STK32B: variants seen among roughly 807,000 people sequenced by gnomAD.
The protein encoded by STK32B is serine/threonine-protein kinase 32B.
Under a neutral mutation model 52.6 loss-of-function variants are expected in STK32B, and 43 were observed. That is an observed-to-expected ratio of 0.82 (90% confidence interval 0.64 to 1.05). The LOEUF (loss-of-function observed/expected upper bound fraction) is 1.05. Ranked by LOEUF, STK32B falls within the 50% of genes least tolerant of loss-of-function variation. STK32B has a pLI of 0.00. For missense variants in STK32B, 621 were observed against 534.6 expected, an observed-to-expected ratio of 1.16 and a Z score of -1.59; for synonymous variants, 238 against 204.3, an observed-to-expected ratio of 1.17 and a Z score of -1.41.
At chr4:5,324,795 T>C (rs1560321071) in intron 3 of STK32B, among the ~76,000 whole-genome samples, 1 of 152,278 alleles carries the variant, frequency 6.6e-6, no homozygotes, top group East Asian at 1.9e-4. Context: ...ATATTGTGGG[T>C]GAACGTGTGG....
chr4:5,396,223 G>A lies in STK32B; in HGVS notation c.435-1984G>A, dbSNP rs888665522. ...CCTCTGGAGGTTCAGGAGAGAATCCGCCCCTGGCCTGTTCCAGCTCCAGGT... is the reference window on the plus strand; with the variant it reads ...CCTCTGGAGGTTCAGGAGAGAATCCACCCCTGGCCTGTTCCAGCTCCAGGT... On this transcript the variant is annotated intron_variant, in intron 4 of 11. Transcript: ENST00000282908. The surrounding 1 kb of genome is among the most constrained non-coding windows in gnomAD (Gnocchi z 4.7). 1.3e-5 allele frequency among the ~76,000 whole-genome samples: 2 copies of A among 152,152 alleles called. No individual in the cohort carries two copies. The highest frequency in any genetic ancestry group is 2.9e-5 in the Non-Finnish European group (2 of 68,028).
At chr4:5,490,086 G>T (rs1162877701) in intron 11 of STK32B, among the ~76,000 whole-genome samples, 1 of 150,446 alleles carries the variant, frequency 6.6e-6, no homozygotes, top group East Asian at 1.9e-4. Flanking sequence ...TAAATTTTAA[G>T]ATCTTTTTGT....
In STK32B at chr4:5,386,237, T is replaced by C. The variant is rs77471031; in HGVS notation, c.435-11970T>C. 0.03 allele frequency among the ~76,000 whole-genome samples: 4,525 copies of C among 152,176 alleles called. 229 individuals carry two copies. The highest frequency in any genetic ancestry group is 0.1 in the African/African-American group (4,212 of 41,488). On this transcript the variant is annotated intron_variant, in intron 4 of 11. Coordinates refer to ENST00000282908, the MANE Select transcript of STK32B (RefSeq NM_018401.3). This position sits in a 1 kb window ranked among gnomAD's most constrained non-coding sequence, Gnocchi z 4.5. The stretch of plus-strand genomic sequence containing the variant: ...CCTCAGCGTATCATATTATGCAGTT[T>C]TATCTTTGACTGTCTCTTGTTTTCT...
At chr4:5,369,884 G>GTT (rs201188066) in intron 4 of STK32B, among the ~76,000 whole-genome samples, 131 of 150,326 alleles carry the variant, frequency 8.7e-4, no homozygotes, top group African/African-American at 2.0e-3. Context: ...TTGTTTGTTT[G>GTT]TTTTTTTTTG....
intron 1 of STK32B, chr4:5,127,002 T>A (rs1715404263): frequency 2.2e-6 from 1 of 449,928 alleles, no homozygotes. Context: ...TTTGCACAGA[T>A]GACAGCATTA....
At chr4:5,053,791 C>T (rs527788963) in intron 1 of STK32B, among the ~76,000 whole-genome samples, 1 of 149,692 alleles carries the variant, frequency 6.7e-6, no homozygotes, top group East Asian at 2.0e-4. Flanking sequence ...CCTGCCTGGC[C>T]AACATGATGA....
At chr4:5,335,777 A>G (rs1435711786) in intron 4 of STK32B, among the ~76,000 whole-genome samples, 1 of 151,874 alleles carries the variant, frequency 6.6e-6, no homozygotes, top group Non-Finnish European at 1.5e-5. Context: ...TTTTCCATGT[A>G]GTTGAGCAGT....
intron 4 of STK32B, among the ~76,000 whole-genome samples, chr4:5,373,198 G>C (rs1484902190): frequency 6.6e-6 from 1 of 152,124 alleles, no homozygotes; most frequent in Non-Finnish European, 1.5e-5. Context: ...AGCTATATTA[G>C]GATTCTCCAG....
chr4:5,192,480 AAGTC>A (rs1379756539), intron 3 of STK32B, among the ~76,000 whole-genome samples: 11 of 152,230 alleles, frequency 7.2e-5, no homozygotes, highest in African/African-American at 1.4e-4. Context: ...ACGCTACAGA[AAGTC>A]AGATCGCTAA....
intron 6 of STK32B, among the ~76,000 whole-genome samples, chr4:5,441,805 C>A (rs1714794744): frequency 1.4e-5 from 2 of 139,930 alleles, no homozygotes; most frequent in African/African-American, 2.6e-5. Flanking sequence ...TATGTTGTGT[C>A]TTTGTTCTCG....
chr4:5,188,593 G>A (rs976826405), intron 3 of STK32B, among the ~76,000 whole-genome samples: 3 of 151,982 alleles, frequency 2.0e-5, no homozygotes, highest in Admixed American at 1.3e-4. Flanking sequence ...GGTCTTTCTC[G>A]GACCTCTTAA....
intron 3 of STK32B, among the ~76,000 whole-genome samples, chr4:5,258,381 C>A (rs1280283155): frequency 6.6e-6 from 1 of 152,106 alleles, no homozygotes; most frequent in South Asian, 2.1e-4. Flanking sequence ...ATAATTTGAA[C>A]AGTACCTAAC....
At chr4:5,078,118 G>A (rs570247691) in intron 1 of STK32B, among the ~76,000 whole-genome samples, 84 of 152,234 alleles carry the variant, frequency 5.5e-4, no homozygotes, top group Non-Finnish European at 8.7e-4. Context: ...CGTAAAGGAG[G>A]AAAGGGGCCT....
chr4:5,223,551 C>T (rs1357043199), intron 3 of STK32B, among the ~76,000 whole-genome samples: 3 of 152,170 alleles, frequency 2.0e-5, no homozygotes, highest in African/African-American at 7.2e-5. Context: ...CGGTGGCTCA[C>T]ACCTGTAATC....
At chr4:5,120,217 G>A (rs1256376310) in intron 1 of STK32B, among the ~76,000 whole-genome samples, 10 of 152,108 alleles carry the variant, frequency 6.6e-5, no homozygotes, top group Admixed American at 5.2e-4. Flanking sequence ...CATCGACATC[G>A]TCATGGCTTG....
chr4:5,131,523 G>A (rs1715774946), intron 1 of STK32B, among the ~76,000 whole-genome samples: 2 of 152,076 alleles, frequency 1.3e-5, no homozygotes, highest in African/African-American at 4.8e-5. Flanking sequence ...CCTTACCCCA[G>A]CCTGTGAAGC....
chr4:5,175,399 T>C (rs1473280227), intron 3 of STK32B, among the ~76,000 whole-genome samples: 1 of 152,170 alleles, frequency 6.6e-6, no homozygotes, highest in Non-Finnish European at 1.5e-5. Context: ...GAGTTTCCAG[T>C]TTTTCTGCTC....
At chr4:5,028,604 G>A in the STK32B span, among the ~76,000 whole-genome samples, 8 of 152,246 alleles carry the variant, frequency 5.3e-5, no homozygotes, top group African/African-American at 1.7e-4. Context: ...CTTTGCTTTT[G>A]GGCAGAGATT....
chr4:5,445,106 C>G (rs1025178355), intron 6 of STK32B, among the ~76,000 whole-genome samples: 10 of 152,178 alleles, frequency 6.6e-5, no homozygotes, highest in African/African-American at 2.4e-4. Context: ...CCTCTCTGAA[C>G]CTCCCCTGTA....
Sources: gnomAD v4.1 joint callset for allele counts (sites outside exome capture counted in the v4.1 genomes callset) on GRCh38, gnomAD v4.1.1 for gene constraint, Gnocchi (gnomAD v3.1) non-coding constraint, MANE v1.5 for transcripts, NCBI Gene and HGNC (gene_info 2026-07-23, HGNC 2026-07-21) for gene names.